Variants in MEIS2 observed in about 807,000 individuals in gnomAD.
The protein encoded by MEIS2 is homeobox protein Meis2.
MEIS2 carries 9 observed loss-of-function variants against 58.6 expected under a neutral mutation model. The observed-to-expected ratio is 0.15, with a 90% CI of 0.09 to 0.27. MEIS2 has a LOEUF of 0.27. Ranked by LOEUF, MEIS2 falls within the 10% of genes least tolerant of loss-of-function variation. The pLI, the probability that MEIS2 is intolerant of heterozygous loss-of-function variation, is 1.00. For missense variants in MEIS2, 427 were observed against 635.0 expected, an observed-to-expected ratio of 0.67 and a Z score of 3.52; for synonymous variants, 221 against 228.4, an observed-to-expected ratio of 0.97 and a Z score of 0.29.
chr15:36,955,313 T>C (rs2058918416), intron 8 of MEIS2, among the ~76,000 whole-genome samples: 1 of 152,234 alleles, frequency 6.6e-6, no homozygotes, highest in Non-Finnish European at 1.5e-5. Flanking sequence ...TTACTTGGTA[T>C]TCATAATTTT....
At chr15:37,010,948 A>G (rs773055370) in intron 8 of MEIS2, among the ~76,000 whole-genome samples, 3 of 152,204 alleles carry the variant, frequency 2.0e-5, no homozygotes, top group Non-Finnish European at 2.9e-5. Flanking sequence ...CATTCTTATC[A>G]TATCTCCTTT....
intron 8 of MEIS2, among the ~76,000 whole-genome samples, chr15:36,953,626 G>A (rs1179965212): frequency 1.3e-5 from 2 of 152,050 alleles, no homozygotes; most frequent in African/African-American, 2.4e-5. Context: ...TTCACATCTC[G>A]AAAGAATTCT....
At chr15:36,898,188 T>C (rs1388288426) in intron 9 of MEIS2, 1 of 152,268 alleles carries the variant, frequency 6.6e-6, no homozygotes, top group Non-Finnish European at 1.5e-5. Flanking sequence ...TTCCCACCTG[T>C]CACCTGAAAT....
At chr15:36,920,992 A>G (rs1336623979) in intron 9 of MEIS2, among the ~76,000 whole-genome samples, 6 of 151,438 alleles carry the variant, frequency 4.0e-5, no homozygotes, top group Non-Finnish European at 5.9e-5. Context: ...GGAAAAAACA[A>G]AAACAAAAAC....
chr15:36,894,747 A>G (rs2056078453), intron 11 of MEIS2: 4 of 1,613,612 alleles, frequency 2.5e-6, no homozygotes, highest in African/African-American at 2.7e-5. Context: ...GCTTTACATG[A>G]TGAAGGTTAC....
chr15:36,938,285 C>T (rs74367878), intron 9 of MEIS2, among the ~76,000 whole-genome samples: 1 of 149,188 alleles, frequency 6.7e-6, no homozygotes, highest in East Asian at 2.0e-4. Flanking sequence ...TTGTGCGGTC[C>T]CACAGTGCTT....
rs533414161 is a variant in MEIS2 at position 36,985,945 on chromosome 15, C to T, written c.901-35545G>A. Among the ~76,000 whole-genome samples, 344 of 152,268 alleles carry T rather than the reference C, an allele frequency of 2.3e-3. 1 individual carries two copies. The highest frequency in any genetic ancestry group is 7.9e-3 in the African/African-American group (327 of 41,556). ...AGGTATGGTATGCTATGAGTGGAAG[C>T]TCTACATGCCTTATAAATAGGACCT... On this transcript the variant is annotated intron_variant, in intron 8 of 11. Coordinates refer to ENST00000561208, the MANE Select transcript of MEIS2 (RefSeq NM_170675.5).
intron 7 of MEIS2, among the ~76,000 whole-genome samples, chr15:37,078,807 C>T (rs556107378): frequency 1.6e-4 from 25 of 151,904 alleles, no homozygotes. Flanking sequence ...AGTTTAATTA[C>T]TACTCTAAAT....
At position 36,996,550 on chromosome 15, in the gene MEIS2, T is replaced by A. The variant is rs2060528027; in HGVS notation, c.900+40264A>T. Among the ~76,000 whole-genome samples the A allele has an allele frequency of 2.6e-5, 4 of 152,336 alleles. No individual in the cohort carries two copies. In the South Asian group the frequency reaches 8.3e-4, roughly 32 times the overall value. ...ATAATGAAGTCTCATCATAATTACGTGTTTCTTCAGAGTAAAGTCAAGGAA... is the reference window on the plus strand; with the variant it reads ...ATAATGAAGTCTCATCATAATTACGAGTTTCTTCAGAGTAAAGTCAAGGAA... On this transcript the variant is annotated intron_variant, in intron 8 of 11. Transcript: ENST00000561208.
At chr15:36,929,432 T>C (rs1471524033) in intron 9 of MEIS2, among the ~76,000 whole-genome samples, 1 of 152,218 alleles carries the variant, frequency 6.6e-6, no homozygotes, top group Non-Finnish European at 1.5e-5. Context: ...CTCCCCCAAC[T>C]GTATGGAGTT....
At chr15:37,009,261 C>A (rs922377632) in intron 8 of MEIS2, among the ~76,000 whole-genome samples, 1 of 152,034 alleles carries the variant, frequency 6.6e-6, no homozygotes, top group Non-Finnish European at 1.5e-5. Flanking sequence ...TGCACTCCAG[C>A]CTGGGCGACA....
At position 36,965,603 on chromosome 15, in the gene MEIS2, T is replaced by A. The variant is rs548860021; in HGVS notation, c.901-15203A>T. Among the ~76,000 whole-genome samples the A allele has an allele frequency of 2.6e-5, 4 of 152,328 alleles. No individual in the cohort carries two copies. In the South Asian group the frequency reaches 8.3e-4, roughly 32 times the overall value. ...AGTCCTGAATAGTTCCACCATTAGG[T>A]CAGTTAATTTAAACTTTAAAATATT... On this transcript the variant is annotated intron_variant, in intron 8 of 11. Coordinates refer to ENST00000561208, the MANE Select transcript of MEIS2 (RefSeq NM_170675.5).
chr15:36,946,255 C>A (rs946703987), intron 9 of MEIS2, among the ~76,000 whole-genome samples: 1 of 151,824 alleles, frequency 6.6e-6, no homozygotes, highest in Non-Finnish European at 1.5e-5. Context: ...TAAAAAATAA[C>A]CTTCTTTGTC....
intron 2 of MEIS2, 35 bp from the exon 3 acceptor site, chr15:37,096,465 G>C: frequency 1.9e-6 from 3 of 1,602,918 alleles, no homozygotes; most frequent in Non-Finnish European, 2.6e-6. Context: ...CACACACACA[G>C]AGACGGGGTG....
chr15:37,059,934 A>T (rs1567240053), intron 7 of MEIS2, among the ~76,000 whole-genome samples: 2 of 152,068 alleles, frequency 1.3e-5, no homozygotes, highest in Admixed American at 6.5e-5. Flanking sequence ...CTCAAAAAAA[A>T]AAATTCTTTT....
At chr15:36,906,308 A>G (rs1167665840) in intron 9 of MEIS2, among the ~76,000 whole-genome samples, 2 of 152,190 alleles carry the variant, frequency 1.3e-5, no homozygotes, top group Non-Finnish European at 2.9e-5. Context: ...GAGAATCTAG[A>G]AGCTGAGAAG....
upstream of MEIS2, chr15:37,100,587 G>C (rs71468840): frequency 2.7e-5 from 4 of 149,878 alleles, no homozygotes; most frequent in African/African-American, 4.9e-5. Context: ...GGGGAGGCGG[G>C]GGGGCGGGAG....
chr15:36,951,055 G>A (rs1156868304), intron 8 of MEIS2, among the ~76,000 whole-genome samples: 1 of 152,098 alleles, frequency 6.6e-6, no homozygotes, highest in African/African-American at 2.4e-5. Flanking sequence ...AGCCAATTAT[G>A]TGCAATACTT....
chr15:37,032,363 G>A (rs2061964447), intron 8 of MEIS2, among the ~76,000 whole-genome samples: 1 of 152,184 alleles, frequency 6.6e-6, no homozygotes, highest in African/African-American at 2.4e-5. Flanking sequence ...CACATTAAGG[G>A]CTTCTTGGCG....
Sources: allele counts gnomAD v4.1 joint callset (sites outside exome capture counted in the v4.1 genomes callset), GRCh38; gene constraint gnomAD v4.1.1; transcripts MANE v1.5; gene names NCBI Gene and HGNC (gene_info 2026-07-23, HGNC 2026-07-21).